Variants in CYP2B6 observed in about 807,000 individuals in gnomAD.
CYP2B6 encodes cytochrome P450 family 2 subfamily B member 6, also known as cytochrome P450 2B6.
Under a neutral mutation model 43.4 loss-of-function variants are expected in CYP2B6, and 35 were observed. The observed-to-expected ratio is 0.81, with a 90% CI of 0.62 to 1.07. CYP2B6 has a LOEUF of 1.07. Ranked by LOEUF, CYP2B6 falls within the 50% of genes least tolerant of loss-of-function variation. The probability of loss-of-function intolerance (pLI) is 0.00; values close to 1 mark genes in which losing one functional copy is unlikely to be tolerated. For missense variants in CYP2B6, 624 were observed against 632.8 expected (o/e 0.99, Z 0.15); for synonymous variants, 239 against 239.2 (o/e 1.00, Z 0.01).
At chr19:40,999,995 T>A (rs74833194) in intron 1 of CYP2B6, among the ~76,000 whole-genome samples, 2,355 of 152,234 alleles carry the variant, frequency 0.015, 41 homozygotes, top group Non-Finnish European at 0.023. Context: ...TTTGACCCTC[T>A]CCCTTCCTTT....
chr19:41,001,546 C>T (rs1969088045), intron 1 of CYP2B6, among the ~76,000 whole-genome samples: 2 of 152,134 alleles, frequency 1.3e-5, no homozygotes, highest in Admixed American at 1.3e-4. Context: ...ACAGTTTTCT[C>T]TTCCGTCAGT....
intron 8 of CYP2B6, 143 bp downstream of exon 8, chr19:41,012,958 C>G: frequency 1.0e-6 from 1 of 976,396 alleles, no homozygotes; most frequent in Non-Finnish European, 1.6e-6. Flanking sequence ...TCCATCTTCA[C>G]TACAACCCTA....
At chr19:41,001,446 C>G (rs1969085581) in intron 1 of CYP2B6, among the ~76,000 whole-genome samples, 1 of 152,080 alleles carries the variant, frequency 6.6e-6, no homozygotes, top group African/African-American at 2.4e-5. Context: ...GGCGCTGTTG[C>G]TTCTCCATTT....
chr19:40,991,546 A>G, intron 1 of CYP2B6, 70 bp downstream of exon 1: 1 of 1,564,330 alleles, frequency 6.4e-7, no homozygotes, highest in Non-Finnish European at 8.8e-7. Context: ...AGCTTCACCA[A>G]ACAGAATGAG....
At chr19:41,000,609 G>C (rs1386043137) in intron 1 of CYP2B6, among the ~76,000 whole-genome samples, 1 of 152,090 alleles carries the variant, frequency 6.6e-6, no homozygotes, top group Non-Finnish European at 1.5e-5. Flanking sequence ...AGAGTATCAC[G>C]CAATCATGTG....
rs1429994851 is a variant in CYP2B6, at chr19:41,009,758, A to T, written c.823-236A>T. ...AAAGAGACGGGGACAAAAAGAGAGA[A>T]ACACATCAAAGAGATGTGGAGAGAG... is the stretch of plus-strand genomic sequence containing the variant. On this transcript the variant is annotated intron_variant, in intron 5 of 8. Transcript: ENST00000324071. The T allele has an allele frequency of 4.5e-5, 27 of 601,966 alleles. No individual in the cohort carries two copies. The South Asian group carries it at 5.4e-4, about 12-fold the overall frequency. 37.3% of individuals were successfully genotyped at this position (601,966 alleles called of 1,614,324 possible). A position where few individuals can be genotyped will look rare whatever the true frequency, so the allele number is the denominator to read the frequency against.
In CYP2B6 at chr19:41,016,791, AC is replaced by A. The variant is rs761596792; in HGVS notation, c.1445del (p.Pro482GlnfsTer35). 2 of 1,613,678 alleles carry A rather than the reference AC, an allele frequency of 1.2e-6. No individual in the cohort carries two copies. The highest frequency in any genetic ancestry group is 1.3e-5 in the African/African-American group (1 of 74,916). On this transcript the variant is annotated frameshift_variant, in exon 9 of 9. Coordinates refer to ENST00000324071, the MANE Select transcript of CYP2B6 (RefSeq NM_000767.5). LOFTEE classifies it low-confidence loss of function (END_TRUNC). ...TPQECGVGKI[P>X]PTYQIRFLPR ...CCCAGGAGTGTGGTGTGGGCAAAAT[AC>A]CCCCAACATACCAGATCCGCTTCCT...
At chr19:41,009,647 G>A (rs1185569274) in intron 5 of CYP2B6, 1 of 613,666 alleles carries the variant, frequency 1.6e-6, no homozygotes, top group Middle Eastern at 4.4e-4. Flanking sequence ...GAAAGACAGA[G>A]GGAGAGAGAG....
rs1377177122 is a variant in CYP2B6, at chr19:41,014,738, T to C, written c.1295-1908T>C. Among the ~76,000 whole-genome samples, 11 of 151,562 alleles carry C rather than the reference T, an allele frequency of 7.3e-5. No homozygotes were observed. In the South Asian group the frequency reaches 1.5e-3, roughly 20 times the overall value. On this transcript the variant is annotated intron_variant, in intron 8 of 8. Coordinates refer to ENST00000324071, the MANE Select transcript of CYP2B6 (RefSeq NM_000767.5). ...CATAGAGATAGAGATGGGGAGCCAG[T>C]GGCAGAAAGACAGAGGGCAAACCTC...
chr19:40,995,025 C>T (rs576388382), intron 1 of CYP2B6, among the ~76,000 whole-genome samples: 8 of 152,142 alleles, frequency 5.3e-5, no homozygotes, highest in Middle Eastern at 3.4e-3. Flanking sequence ...CTCAACAACT[C>T]CTTGTTTTTT....
chr19:41,010,225 G>A, intron 6 of CYP2B6, 90 bp downstream of exon 6: 3 of 1,512,106 alleles, frequency 2.0e-6, no homozygotes, highest in Non-Finnish European at 1.8e-6. Flanking sequence ...ATGAGAGAGG[G>A]GATGCTGGCT....
At chr19:41,012,094 G>A (rs549224158) in intron 6 of CYP2B6, among the ~76,000 whole-genome samples, 202 of 152,116 alleles carry the variant, frequency 1.3e-3, no homozygotes, top group African/African-American at 4.7e-3. Context: ...GAATACAGGT[G>A]TGCACCAGCA....
chr19:41,002,825 A>G (rs1443896867), intron 1 of CYP2B6, among the ~76,000 whole-genome samples: 1 of 152,138 alleles, frequency 6.6e-6, no homozygotes, highest in Non-Finnish European at 1.5e-5. Flanking sequence ...GGGATTACAG[A>G]TGTGAGTCAC....
At chr19:41,000,867 T>C (rs1208470916) in intron 1 of CYP2B6, among the ~76,000 whole-genome samples, 1 of 151,988 alleles carries the variant, frequency 6.6e-6, no homozygotes, top group Non-Finnish European at 1.5e-5. Flanking sequence ...GGAGAAACCC[T>C]GTCTGTACTA....
chr19:40,993,088 T>C (rs879851923), intron 1 of CYP2B6, among the ~76,000 whole-genome samples: 5 of 152,092 alleles, frequency 3.3e-5, no homozygotes, highest in Non-Finnish European at 5.9e-5. Flanking sequence ...GTCCAATTGG[T>C]CATAGATTTT....
chr19:41,010,832 CCT>C (rs1286558425), intron 6 of CYP2B6, among the ~76,000 whole-genome samples: 2 of 152,114 alleles, frequency 1.3e-5, no homozygotes, highest in Non-Finnish European at 2.9e-5. Flanking sequence ...GTGTATCATT[CCT>C]CTCTCTGTGT....
rs201221511 is a variant in CYP2B6, at chr19:41,007,041, A to G, written c.621A>G (p.Ser207=). The G allele has an allele frequency of 2.5e-6, 4 of 1,613,878 alleles. No individual in the cohort carries two copies. In the East Asian group the frequency reaches 8.9e-5, roughly 36 times the overall value. ...KMLNLFYQTF[S]LISSVFGQLF... ...TGAACTTGTTCTACCAGACTTTTTC[A>G]CTCATCAGCTCTGTATTCGGCCAGG... Residue 207 remains serine (S), a synonymous_variant, in exon 4 of 9, where the codon TCA becomes TCG. Coordinates refer to ENST00000324071, the MANE Select transcript of CYP2B6 (RefSeq NM_000767.5).
chr19:41,012,484 A>G lies in CYP2B6; in HGVS notation c.1151A>G (p.Lys384Arg), dbSNP rs201304807. Residue 384 changes from lysine to arginine, a missense_variant and splice_region_variant, in exon 7 of 9, where the codon AAG (lysine) becomes AGG (arginine). Coordinates refer to ENST00000324071, the MANE Select transcript of CYP2B6 (RefSeq NM_000767.5). ...AGCTTCCGAGGGTACATCATCCCCA[A>G]GGTAAGACCGGCTGGAACCCCATAG... ...HTSFRGYIIP[K>R]DTEVFLILST... The G allele has an allele frequency of 2.5e-6, 4 of 1,614,174 alleles. No homozygotes were observed. The highest frequency in any genetic ancestry group is 2.5e-6 in the Non-Finnish European group (3 of 1,180,030).
At chr19:41,003,015 GTCTATA>G (rs1969120064) in intron 1 of CYP2B6, among the ~76,000 whole-genome samples, 1 of 152,042 alleles carries the variant, frequency 6.6e-6, no homozygotes, top group South Asian at 2.1e-4. Flanking sequence ...CTCACTGATT[GTCTATA>G]TCTATATTGA....
Sources: allele counts gnomAD v4.1 joint callset (sites outside exome capture counted in the v4.1 genomes callset), GRCh38; gene constraint gnomAD v4.1.1; transcripts MANE v1.5; gene names NCBI Gene and HGNC (gene_info 2026-07-23, HGNC 2026-07-21).